Variants in MIB1 observed in about 807,000 individuals in gnomAD.
MIB1 encodes E3 ubiquitin-protein ligase MIB1.
Under a neutral mutation model 124.5 loss-of-function variants are expected in MIB1, and 278 were observed. The ratio of observed to expected loss-of-function variants is 2.23; its 90% CI spans 2.02 to 2.47. The LOEUF (loss-of-function observed/expected upper bound fraction) is 2.47. Ranked by LOEUF, MIB1 falls within the 30% of genes most tolerant of loss-of-function variation. The pLI is 0.00. For missense variants in MIB1, 957 were observed against 1,254.4 expected, an observed-to-expected ratio of 0.76 and a Z score of 3.58; for synonymous variants, 446 against 429.4, an observed-to-expected ratio of 1.04 and a Z score of -0.48.
At chr18:21,830,582 G>A (rs1296912481) in intron 12 of MIB1, 1 of 152,124 alleles carries the variant, frequency 6.6e-6, no homozygotes, top group Non-Finnish European at 1.5e-5. Context: ...AAAGTCATAA[G>A]CATCCTTAAA....
chr18:21,821,891 G>A (rs1298026453), intron 12 of MIB1, among the ~76,000 whole-genome samples: 6 of 152,020 alleles, frequency 3.9e-5, no homozygotes, highest in Admixed American at 2.0e-4. Context: ...GTGAGCCACC[G>A]CGCCCTTCCT....
At chr18:21,764,682 A>T (rs1346469950) in intron 1 of MIB1, among the ~76,000 whole-genome samples, 5 of 152,050 alleles carry the variant, frequency 3.3e-5, no homozygotes, top group Non-Finnish European at 7.4e-5. Context: ...ATCTTGTTTT[A>T]CCTAAATCCC....
chr18:21,836,797 C>G (rs1187009093), intron 12 of MIB1, among the ~76,000 whole-genome samples: 1 of 152,152 alleles, frequency 6.6e-6, no homozygotes, highest in Non-Finnish European at 1.5e-5. Context: ...CTCACATGCT[C>G]AAATGTGTAG....
intron 11 of MIB1, chr18:21,817,897 G>A (rs1205875708): frequency 1.4e-5 from 3 of 219,986 alleles, no homozygotes; most frequent in African/African-American, 2.3e-5. Context: ...AGTATATGCT[G>A]TAGGCCAGGT....
chr18:21,729,726 G>A (rs1208616068), intron 1 of MIB1, among the ~76,000 whole-genome samples: 1 of 152,146 alleles, frequency 6.6e-6, no homozygotes, highest in Non-Finnish European at 1.5e-5. Flanking sequence ...CTGGCCTCAA[G>A]TGATCCGCCT....
At chr18:21,787,944 C>T (rs576155705) in intron 6 of MIB1, among the ~76,000 whole-genome samples, 1 of 152,204 alleles carries the variant, frequency 6.6e-6, no homozygotes, top group Admixed American at 6.5e-5. Flanking sequence ...GCCTGCTCCT[C>T]TTTTTCTCCC....
At chr18:21,778,812 G>A (rs990057950) in intron 5 of MIB1, among the ~76,000 whole-genome samples, 1 of 151,878 alleles carries the variant, frequency 6.6e-6, no homozygotes, top group Admixed American at 6.6e-5. Context: ...TAAAAAAGGA[G>A]AATGCATAAA....
intron 4 of MIB1, among the ~76,000 whole-genome samples, chr18:21,776,957 A>G (rs2041295821): frequency 1.3e-5 from 2 of 151,944 alleles, no homozygotes; most frequent in Non-Finnish European, 2.9e-5. Flanking sequence ...AGCCTGGGTG[A>G]CAGAGCGAGA....
Position 21,843,082 on chromosome 18 carries a change from T to G in MIB1, c.1963-49T>G, listed in dbSNP as rs757537356. The G allele has an allele frequency of 4.4e-6, 6 of 1,374,898 alleles. No individual in the cohort carries two copies. In the Admixed American group the frequency reaches 1.1e-4, roughly 25 times the overall value. 85.2% of individuals were successfully genotyped at this position (1,374,898 alleles called of 1,614,324 possible). A position where few individuals can be genotyped will look rare whatever the true frequency, so the allele number is the denominator to read the frequency against. On this transcript the variant is annotated intron_variant, in intron 13 of 20. Transcript: ENST00000261537. ...ATGAGTAGTTATAGTTTTCATGTTCTTTACTGTTGTCAAATTTTAACCATT... is the reference window on the plus strand; with the variant it reads ...ATGAGTAGTTATAGTTTTCATGTTCGTTACTGTTGTCAAATTTTAACCATT...
intron 16 of MIB1, among the ~76,000 whole-genome samples, chr18:21,848,770 A>T (rs1306097507): frequency 6.6e-6 from 1 of 152,094 alleles, no homozygotes; most frequent in African/African-American, 2.4e-5. Context: ...TCTGTTGTGG[A>T]CTCTGATGAT....
At chr18:21,834,868 A>T (rs377505342) in intron 12 of MIB1, among the ~76,000 whole-genome samples, 49 of 152,364 alleles carry the variant, frequency 3.2e-4, no homozygotes, top group African/African-American at 1.2e-3. Context: ...GGTTAATAAC[A>T]GCGCTTCAAC....
intron 1 of MIB1, among the ~76,000 whole-genome samples, chr18:21,734,685 C>T (rs2040788171): frequency 2.0e-5 from 3 of 151,690 alleles, no homozygotes; most frequent in South Asian, 2.1e-4. Flanking sequence ...CATGCCACCA[C>T]GCCTGGCTAA....
At chr18:21,730,229 T>C (rs1290258372) in intron 1 of MIB1, among the ~76,000 whole-genome samples, 2 of 152,192 alleles carry the variant, frequency 1.3e-5, no homozygotes, top group Non-Finnish European at 2.9e-5. Context: ...TTTTCCTTTC[T>C]TCGGCTCATA....
At chr18:21,762,099 C>T (rs2041104926) in intron 1 of MIB1, among the ~76,000 whole-genome samples, 1 of 152,002 alleles carries the variant, frequency 6.6e-6, no homozygotes, top group Non-Finnish European at 1.5e-5. Flanking sequence ...ATTTTTTCCT[C>T]TCAAATTGGC....
chr18:21,838,362 C>T lies in MIB1; in HGVS notation c.1830-3C>T. ...ATAGAAATAATGTGAATTTAACTTTCAGTGCAATGCGTGTTTTACTATCTA... is the reference window on the plus strand; with the variant it reads ...ATAGAAATAATGTGAATTTAACTTTTAGTGCAATGCGTGTTTTACTATCTA... On this transcript the variant is annotated splice_polypyrimidine_tract_variant and splice_region_variant and intron_variant, in intron 12 of 20. Transcript: ENST00000261537. 1 of 1,568,514 alleles carries T rather than the reference C, an allele frequency of 6.4e-7. No homozygotes were observed. The highest frequency in any genetic ancestry group is 8.6e-7 in the Non-Finnish European group (1 of 1,157,546).
At chr18:21,802,996 G>A (rs1295055470) in intron 9 of MIB1, among the ~76,000 whole-genome samples, 4 of 152,122 alleles carry the variant, frequency 2.6e-5, no homozygotes, top group African/African-American at 9.7e-5. Flanking sequence ...GGCTCCCCTT[G>A]TTACCTATGA....
At chr18:21,739,280 T>C (rs1268650395), upstream of MIB1, among the ~76,000 whole-genome samples, 2 of 152,104 alleles carry the variant, frequency 1.3e-5, no homozygotes, top group African/African-American at 4.8e-5. Context: ...AGTTCTGAAA[T>C]TGAGGCAATA....
Position 21,815,713 on chromosome 18 carries a change from G to A in MIB1, c.1577G>A (p.Arg526Gln), listed in dbSNP as rs2041823846. 1 of 1,614,120 alleles carries A rather than the reference G, an allele frequency of 6.2e-7. No homozygotes were observed. The highest frequency in any genetic ancestry group is 8.5e-7 in the Non-Finnish European group (1 of 1,180,008). ...LHRGSADLNA[R>Q]NKRRQTPLHI... ...CGAGGTAGTGCTGATTTGAATGCTC[G>A]AAACAAGCGCCGACAGACACCACTT... The change falls in exon 11 of 21, where the codon CGA becomes CAA. Residue 526 changes from arginine to glutamine, a missense_variant. Coordinates refer to ENST00000261537, the MANE Select transcript of MIB1 (RefSeq NM_020774.4).
Position 21,818,656 on chromosome 18 carries a change from G to A in MIB1, c.1678-839G>A, listed in dbSNP as rs927638795. 3.3e-5 allele frequency among the ~76,000 whole-genome samples: 5 copies of A among 152,080 alleles called. No individual in the cohort carries two copies. The South Asian group carries it at 6.2e-4, about 19-fold the overall frequency. On this transcript the variant is annotated intron_variant, in intron 11 of 20. Coordinates refer to ENST00000261537, the MANE Select transcript of MIB1 (RefSeq NM_020774.4). ...CCCATCTCTACAAAAAAAGAACTTT[G>A]CCGGGCAAGGTGGCTCACGCCTGTA...
Sources: gnomAD v4.1 joint callset for allele counts (sites outside exome capture counted in the v4.1 genomes callset) on GRCh38, gnomAD v4.1.1 for gene constraint, MANE v1.5 for transcripts, NCBI Gene and HGNC (gene_info 2026-07-23, HGNC 2026-07-21) for gene names.